Variants in KIAA1328 observed in about 807,000 individuals in gnomAD.
KIAA1328 encodes the protein KIAA1328, also known as protein hinderin.
Under a neutral mutation model 68.1 loss-of-function variants are expected in KIAA1328, and 52 were observed. The ratio of observed to expected loss-of-function variants is 0.76; its 90% confidence interval spans 0.61 to 0.96. KIAA1328 has a LOEUF of 0.96. KIAA1328 is among the 40% of genes least tolerant of loss of function. The probability of loss-of-function intolerance (pLI) is 0.00; values close to 1 mark genes in which losing one functional copy is unlikely to be tolerated. For synonymous variants in KIAA1328, 232 were observed against 239.4 expected (o/e 0.97, Z 0.28); for missense variants, 641 against 677.6 (o/e 0.95, Z 0.60).
intron 6 of KIAA1328, among the ~76,000 whole-genome samples, chr18:37,012,156 G>A (rs1189726862): frequency 6.6e-6 from 1 of 152,106 alleles, no homozygotes; most frequent in African/African-American, 2.4e-5. Flanking sequence ...GAACAATATA[G>A]AACTAATATA....
chr18:37,059,335 CA>C (rs1378442903), intron 6 of KIAA1328, among the ~76,000 whole-genome samples: 1 of 151,880 alleles, frequency 6.6e-6, no homozygotes, highest in Non-Finnish European at 1.5e-5. Context: ...GGAACTTAAA[CA>C]AATTTACATG....
At chr18:36,980,841 C>T (rs547281716) in intron 6 of KIAA1328, among the ~76,000 whole-genome samples, 1 of 152,182 alleles carries the variant, frequency 6.6e-6, no homozygotes, top group Non-Finnish European at 1.5e-5. Flanking sequence ...CACAAGCTCT[C>T]CTTGCCTGCC....
At chr18:36,912,604 T>A (rs1469692911) in intron 5 of KIAA1328, among the ~76,000 whole-genome samples, 2 of 152,198 alleles carry the variant, frequency 1.3e-5, no homozygotes, top group Non-Finnish European at 1.5e-5. Context: ...ACAGTCTGCC[T>A]TCTGGCCCCC....
At chr18:36,864,288 C>G (rs2047667712) in intron 4 of KIAA1328, among the ~76,000 whole-genome samples, 1 of 151,052 alleles carries the variant, frequency 6.6e-6, no homozygotes, top group South Asian at 2.1e-4. Context: ...CCTGTAGTGC[C>G]TCACTTGTTA....
At chr18:36,904,644 A>T (rs1190272806) in intron 5 of KIAA1328, among the ~76,000 whole-genome samples, 3 of 152,106 alleles carry the variant, frequency 2.0e-5, no homozygotes, top group Non-Finnish European at 1.5e-5. Context: ...TAGCCAGATC[A>T]TACATGGTTC....
rs566156429 is a variant in KIAA1328 at position 36,910,161 on chromosome 18, G to A, written c.448+24489G>A. Among the ~76,000 whole-genome samples, 699 of 152,096 alleles carry A rather than the reference G, an allele frequency of 4.6e-3. 2 individuals carry two copies. The highest frequency in any genetic ancestry group is 0.012 in the Admixed American group (183 of 15,262). On this transcript the variant is annotated intron_variant, in intron 5 of 9. Coordinates refer to ENST00000280020, the MANE Select transcript of KIAA1328 (RefSeq NM_020776.3). Reference sequence around the variant, plus strand: ...TTTGTCAATTTTGGCTTTTGTTGCCGTTGCTTTTGGTGTTTTCGACATGAA... The same window carrying A: ...TTTGTCAATTTTGGCTTTTGTTGCCATTGCTTTTGGTGTTTTCGACATGAA...
At chr18:36,920,319 T>C (rs553574395) in intron 5 of KIAA1328, among the ~76,000 whole-genome samples, 10 of 152,286 alleles carry the variant, frequency 6.6e-5, no homozygotes, top group Non-Finnish European at 1.5e-4. Flanking sequence ...CCTTTCCCCA[T>C]TGCTTATTAT....
chr18:36,969,821 G>A (rs1442130017), intron 6 of KIAA1328, among the ~76,000 whole-genome samples: 1 of 151,872 alleles, frequency 6.6e-6, no homozygotes, highest in Non-Finnish European at 1.5e-5. Flanking sequence ...ACCTGGCAGA[G>A]ACATAACAAA....
At chr18:37,117,579 A>G (rs1447193970) in intron 7 of KIAA1328, among the ~76,000 whole-genome samples, 1 of 152,186 alleles carries the variant, frequency 6.6e-6, no homozygotes, top group East Asian at 1.9e-4. Context: ...CCAACATGGC[A>G]CATGTATACA....
intron 6 of KIAA1328, among the ~76,000 whole-genome samples, chr18:37,053,553 T>A (rs929972303): frequency 2.0e-5 from 3 of 152,100 alleles, no homozygotes; most frequent in Non-Finnish European, 4.4e-5. Flanking sequence ...AAAGACAGCC[T>A]TAAGAATAGT....
intron 7 of KIAA1328, among the ~76,000 whole-genome samples, chr18:37,158,938 T>G (rs1055689379): frequency 2.0e-5 from 3 of 152,130 alleles, no homozygotes; most frequent in African/African-American, 7.2e-5. Context: ...ACATTCACAA[T>G]AAGGTACTTT....
intron 5 of KIAA1328, among the ~76,000 whole-genome samples, chr18:36,931,838 T>TA (rs2050321588): frequency 1.4e-5 from 2 of 146,536 alleles, no homozygotes; most frequent in African/African-American, 5.2e-5. Context: ...TTTCATTTTT[T>TA]TAATTTTTAG....
intron 6 of KIAA1328, among the ~76,000 whole-genome samples, chr18:37,046,921 A>T (rs1599073769): frequency 1.3e-5 from 2 of 152,200 alleles, no homozygotes; most frequent in African/African-American, 4.8e-5. Flanking sequence ...ACCTGAGGTC[A>T]GTAGTTCGAG....
At chr18:36,854,795 T>G (rs1017087733) in intron 4 of KIAA1328, among the ~76,000 whole-genome samples, 5 of 152,170 alleles carry the variant, frequency 3.3e-5, no homozygotes, top group Non-Finnish European at 5.9e-5. Flanking sequence ...AAAAAAATCT[T>G]CACACTCATT....
chr18:36,960,329 G>A (rs562250621), intron 6 of KIAA1328, among the ~76,000 whole-genome samples: 9 of 152,330 alleles, frequency 5.9e-5, no homozygotes, highest in East Asian at 1.9e-4. Context: ...GGAGCCCACC[G>A]CAGCTCAGCA....
chr18:36,906,099 G>A (rs574233243), intron 5 of KIAA1328, among the ~76,000 whole-genome samples: 2 of 152,040 alleles, frequency 1.3e-5, no homozygotes, highest in South Asian at 4.2e-4. Flanking sequence ...GTTAACTTAG[G>A]TCAACAGCTT....
chr18:36,893,609 G>A (rs74682538), intron 5 of KIAA1328, among the ~76,000 whole-genome samples: 20,205 of 151,688 alleles, frequency 0.13, 1,706 homozygotes, highest in Non-Finnish European at 0.18. Flanking sequence ...GACATGAGCC[G>A]CCACACCCAA....
At chr18:37,089,493 G>A (rs1336804928) in intron 7 of KIAA1328, among the ~76,000 whole-genome samples, 1 of 150,080 alleles carries the variant, frequency 6.7e-6, no homozygotes, top group Non-Finnish European at 1.5e-5. Flanking sequence ...TCCTGTTTTG[G>A]CCTCCCGAGT....
chr18:37,084,410 A>C, intron 7 of KIAA1328: 1 of 360,484 alleles, frequency 2.8e-6, no homozygotes, highest in Non-Finnish European at 4.9e-6. Flanking sequence ...AATAAAAATC[A>C]TTCATAATCC....
Sources: gnomAD v4.1 joint callset for allele counts (sites outside exome capture counted in the v4.1 genomes callset) on GRCh38, gnomAD v4.1.1 for gene constraint, MANE v1.5 for transcripts, NCBI Gene and HGNC (gene_info 2026-07-23, HGNC 2026-07-21) for gene names.